Variants in TNFSF4 observed in about 807,000 individuals in gnomAD.
TNFSF4 encodes the protein tumor necrosis factor ligand superfamily member 4.
TNFSF4 carries 4 observed loss-of-function variants against 7.3 expected under a neutral mutation model. The observed-to-expected ratio is 0.55, with a 90% CI of 0.27 to 1.25. The LOEUF (loss-of-function observed/expected upper bound fraction) is 1.25, where lower values mean the gene tolerates loss of function less well. TNFSF4 is among the 50% of genes most tolerant of loss of function. The pLI is 0.12. For synonymous variants in TNFSF4, 76 were observed against 83.7 expected, an observed-to-expected ratio of 0.91 and a Z score of 0.50; for missense variants, 181 against 208.8, an observed-to-expected ratio of 0.87 and a Z score of 0.82.
At chr1:173,206,131 C>T (rs149296806) in intron 1 of TNFSF4, among the ~76,000 whole-genome samples, 18 of 152,232 alleles carry the variant, frequency 1.2e-4, no homozygotes, top group Middle Eastern at 6.8e-3. Context: ...AGAAACATTT[C>T]TAACCCAAAG....
chr1:173,260,974 C>T, the TNFSF4 span, among the ~76,000 whole-genome samples: 1 of 152,196 alleles, frequency 6.6e-6, no homozygotes, highest in African/African-American at 2.4e-5. Flanking sequence ...GAACTCAGCT[C>T]TGAATCAAGT....
At chr1:173,242,541 T>A in the TNFSF4 span, among the ~76,000 whole-genome samples, 1 of 152,106 alleles carries the variant, frequency 6.6e-6, no homozygotes, top group Non-Finnish European at 1.5e-5. Context: ...GACCTATGAG[T>A]ATGTCACCTC....
At chr1:173,276,881 T>C in the TNFSF4 span, among the ~76,000 whole-genome samples, 2 of 152,254 alleles carry the variant, frequency 1.3e-5, no homozygotes, top group South Asian at 4.1e-4. Context: ...TGCAGCTCAA[T>C]GTACATATGA....
the TNFSF4 span, among the ~76,000 whole-genome samples, chr1:173,413,518 C>T: frequency 1.4e-4 from 22 of 152,156 alleles, no homozygotes; most frequent in Admixed American, 6.5e-4. Flanking sequence ...GAGACAGCAG[C>T]GCTCCAGAAT....
chr1:173,269,333 ACTT>A, the TNFSF4 span, among the ~76,000 whole-genome samples: 1 of 152,152 alleles, frequency 6.6e-6, no homozygotes, highest in Non-Finnish European at 1.5e-5. Flanking sequence ...AATTCTTTTT[ACTT>A]CTTCACAGTT....
At chr1:173,294,537 C>A in the TNFSF4 span, among the ~76,000 whole-genome samples, 1 of 151,936 alleles carries the variant, frequency 6.6e-6, no homozygotes, top group Non-Finnish European at 1.5e-5. Flanking sequence ...TACCCCAAAC[C>A]TCCACAACAT....
chr1:173,336,990 G>A, the TNFSF4 span, among the ~76,000 whole-genome samples: 1 of 152,116 alleles, frequency 6.6e-6, no homozygotes, highest in African/African-American at 2.4e-5. Context: ...TTAAAAAGCT[G>A]CTAGTTTTGA....
chr1:173,267,382 C>A, the TNFSF4 span, among the ~76,000 whole-genome samples: 17 of 152,212 alleles, frequency 1.1e-4, no homozygotes, highest in Middle Eastern at 0.01. Context: ...TGCACTTTTC[C>A]CTCAAATATA....
chr1:173,214,564 C>T, the TNFSF4 span, among the ~76,000 whole-genome samples: 45 of 152,198 alleles, frequency 3.0e-4, no homozygotes, highest in East Asian at 8.1e-3. Context: ...TACAATAACA[C>T]TAATGATAGC....
At chr1:173,315,434 T>TA in the TNFSF4 span, among the ~76,000 whole-genome samples, 8 of 152,158 alleles carry the variant, frequency 5.3e-5, no homozygotes, top group East Asian at 9.7e-4. Context: ...GAATATCAGA[T>TA]AAAAAAATCA....
At position 173,207,309 on chromosome 1, in the gene TNFSF4, G is replaced by C; in HGVS notation, c.-133C>G. 1.3e-5 allele frequency: 10 copies of C among 773,640 alleles called. No individual in the cohort carries two copies. The highest frequency in any genetic ancestry group is 2.0e-5 in the Non-Finnish European group (10 of 508,486). 47.9% of individuals were successfully genotyped at this position (773,640 alleles called of 1,614,324 possible). On this transcript the variant is annotated 5_prime_UTR_variant, in exon 1 of 3. Coordinates refer to ENST00000281834, the MANE Select transcript of TNFSF4 (RefSeq NM_003326.5). The stretch of plus-strand genomic sequence containing the variant: ...AATCAGAAAATAGGCAAAGGTCCCA[G>C]GGCCAGAGATAAAAGGCGATTGAAA...
At chr1:173,426,649 G>A in the TNFSF4 span, among the ~76,000 whole-genome samples, 17 of 151,974 alleles carry the variant, frequency 1.1e-4, no homozygotes, top group African/African-American at 4.1e-4. Context: ...AGGCTAGAGT[G>A]CAGTGACACA....
At chr1:173,439,085 T>C in the TNFSF4 span, among the ~76,000 whole-genome samples, 1 of 152,184 alleles carries the variant, frequency 6.6e-6, no homozygotes, top group African/African-American at 2.4e-5. Context: ...CCAGAAGCTG[T>C]CATGGAAGGT....
chr1:173,226,218 C>G, the TNFSF4 span, among the ~76,000 whole-genome samples: 2 of 152,110 alleles, frequency 1.3e-5, no homozygotes, highest in African/African-American at 4.8e-5. Flanking sequence ...TCCATTCTCC[C>G]CTTATTCTTA....
the TNFSF4 span, among the ~76,000 whole-genome samples, chr1:173,241,480 G>A: frequency 6.6e-6 from 1 of 152,206 alleles, no homozygotes; most frequent in Admixed American, 6.5e-5. Flanking sequence ...AAGTAAGCAT[G>A]TGTTCTGATT....
chr1:173,318,411 C>G, the TNFSF4 span, among the ~76,000 whole-genome samples: 1 of 152,172 alleles, frequency 6.6e-6, no homozygotes, highest in Non-Finnish European at 1.5e-5. Context: ...CTTCCCTTTC[C>G]TTCCTCCCTG....
the TNFSF4 span, among the ~76,000 whole-genome samples, chr1:173,269,996 T>C: frequency 6.6e-6 from 1 of 152,122 alleles, no homozygotes; most frequent in Non-Finnish European, 1.5e-5. Context: ...GCAGGAATGC[T>C]AAGAAGGGGT....
chr1:173,436,341 G>A, the TNFSF4 span, among the ~76,000 whole-genome samples: 2 of 152,202 alleles, frequency 1.3e-5, no homozygotes, highest in Admixed American at 1.3e-4. Flanking sequence ...AAATGCCCCA[G>A]CATTATCCCA....
the TNFSF4 span, among the ~76,000 whole-genome samples, chr1:173,236,161 C>T: frequency 6.6e-6 from 1 of 152,056 alleles, no homozygotes; most frequent in Admixed American, 6.6e-5. Context: ...ATCCCCAGCA[C>T]CTATGTGTTT....
Sources: allele counts gnomAD v4.1 joint callset (sites outside exome capture counted in the v4.1 genomes callset), GRCh38; gene constraint gnomAD v4.1.1; transcripts MANE v1.5; gene names NCBI Gene and HGNC (gene_info 2026-07-23, HGNC 2026-07-21).